DMRT3: variants seen among roughly 807,000 people sequenced by gnomAD.
DMRT3 encodes the protein doublesex and mab-3 related transcription factor 3, also known as doublesex- and mab-3-related transcription factor 3.
Under a neutral mutation model 34.9 loss-of-function variants are expected in DMRT3, and 29 were observed. The ratio of observed to expected loss-of-function variants is 0.83; its 90% CI spans 0.62 to 1.13. DMRT3 has a LOEUF of 1.13. Ranked by LOEUF, DMRT3 falls within the 50% of genes most tolerant of loss-of-function variation. DMRT3 has a pLI of 0.00. For missense variants in DMRT3, 772 were observed against 629.1 expected, an observed-to-expected ratio of 1.23 and a Z score of -2.43; for synonymous variants, 350 against 286.0, an observed-to-expected ratio of 1.22 and a Z score of -2.26.
chr9:977,505 G>A lies in DMRT3; in HGVS notation c.454+50G>A, dbSNP rs575883240. ...TTTGGCCGGGCGCGGGGGCAACTTC[G>A]GAGTGCCAGCTGCAGCTCCACTTGG... On this transcript the variant is annotated intron_variant, in intron 1 of 1. Coordinates refer to ENST00000190165, the MANE Select transcript of DMRT3 (RefSeq NM_021240.4). 8.2e-5 allele frequency: 102 copies of A among 1,242,934 alleles called. No individual in the cohort carries two copies. In the South Asian group the frequency reaches 3.3e-3, roughly 40 times the overall value. The allele number at this position is 1,242,934 out of a possible 1,614,324, so 77.0% of individuals were successfully genotyped here. A position where few individuals can be genotyped will look rare whatever the true frequency, so the allele number is the denominator to read the frequency against.
intron 1 of DMRT3, among the ~76,000 whole-genome samples, chr9:987,922 ATAATAGAG>A (rs1378478280): frequency 6.6e-6 from 1 of 152,204 alleles, no homozygotes; most frequent in East Asian, 1.9e-4. Flanking sequence ...CAAATGTTTA[ATAATAGAG>A]TAACAGCCAA....
rs997817624 is a variant in DMRT3, at chr9:977,141, A to G, written c.140A>G (p.Tyr47Cys). 1.9e-6 allele frequency: 3 copies of G among 1,611,346 alleles called. No individual in the cohort carries two copies. The highest frequency in any genetic ancestry group is 2.5e-6 in the Non-Finnish European group (3 of 1,179,078). The part of the protein sequence containing the change: ...VLSWLKGHKR[Y>C]CRFKDCTCEK... ...TCCTGGCTCAAGGGCCACAAGCGTT[A>G]CTGCCGCTTCAAGGACTGCACCTGC... is the stretch of plus-strand genomic sequence containing the variant. The change falls in exon 1 of 2, where the codon TAC becomes TGC. Residue 47 changes from tyrosine to cysteine, a missense_variant. Transcript: ENST00000190165.
chr9:982,876 T>A (rs1481682341), intron 1 of DMRT3, among the ~76,000 whole-genome samples: 2 of 152,196 alleles, frequency 1.3e-5, no homozygotes, highest in African/African-American at 4.8e-5. Flanking sequence ...TTAAACCTGT[T>A]GCAGCCCCTT....
rs746490121 is a variant in DMRT3, at chr9:990,413, G to A, written c.827G>A (p.Gly276Glu). 7.4e-6 allele frequency: 12 copies of A among 1,613,994 alleles called. No homozygotes were observed. In the Admixed American group the frequency reaches 1.7e-4, roughly 22 times the overall value. ...GAGCTCATCCTCAAGGGCTGTGGCG[G>A]GGACCTGGTGAGCGCCGTGGAAGTC... ...VLELILKGCG[G>E]DLVSAVEVLL... is the part of the protein sequence containing the mutation. The change falls in exon 2 of 2, where the codon GGG (glycine) becomes GAG (glutamate). Residue 276 changes from glycine (G) to glutamate (E), a missense_variant. Coordinates refer to ENST00000190165, the MANE Select transcript of DMRT3 (RefSeq NM_021240.4).
intron 1 of DMRT3, among the ~76,000 whole-genome samples, chr9:979,749 C>G (rs939647097): frequency 2.6e-5 from 4 of 152,162 alleles, no homozygotes; most frequent in African/African-American, 7.2e-5. Context: ...GGGGTTTAAG[C>G]TGAAGAAAAC....
In DMRT3 at chr9:991,249, T is replaced by C. The variant is rs1820360840; in HGVS notation, c.*244T>C. ...GTTTATTGTAAAAGAGAGTCTAATG[T>C]TAAGAATAGTCTTGGGAAGGCTGGG... On this transcript the variant is annotated 3_prime_UTR_variant, in exon 2 of 2. Transcript: ENST00000190165. The C allele has an allele frequency of 2.3e-6, 1 of 425,568 alleles. No homozygotes were observed. The highest frequency in any genetic ancestry group is 4.7e-5 in the South Asian group (1 of 21,088). The allele number at this position is 425,568 out of a possible 1,614,324, so 26.4% of individuals were successfully genotyped here. A position where few individuals can be genotyped will look rare whatever the true frequency, so the allele number is the denominator to read the frequency against.
intron 1 of DMRT3, among the ~76,000 whole-genome samples, chr9:989,224 C>T (rs779911316): frequency 6.6e-6 from 1 of 152,242 alleles, no homozygotes; most frequent in Non-Finnish European, 1.5e-5. Context: ...CTGCCTCGTG[C>T]CACCCGTGGC....
intron 1 of DMRT3, among the ~76,000 whole-genome samples, chr9:984,840 T>G (rs1027673776): frequency 4.0e-5 from 6 of 148,458 alleles, no homozygotes; most frequent in African/African-American, 1.5e-4. Flanking sequence ...AAATAATACA[T>G]TTTTTTTTTA....
intron 1 of DMRT3, among the ~76,000 whole-genome samples, chr9:980,907 CTG>C (rs918472685): frequency 2.6e-5 from 4 of 152,192 alleles, no homozygotes; most frequent in African/African-American, 7.2e-5. Flanking sequence ...ACACCTTAGA[CTG>C]TGGTGCGATG....
Position 990,521 on chromosome 9 carries a change from A to C in DMRT3, c.935A>C (p.His312Pro). The change falls in exon 2 of 2, where the codon CAC (histidine) becomes CCC (proline). Residue 312 changes from histidine (H) to proline (P), a missense_variant. Transcript: ENST00000190165. ...PESLALPSNG[H>P]IFEHTLSSYP... ...AGTCTAGCGTTGCCCTCCAATGGGC[A>C]CATCTTTGAACACACCTTGAGCTCC... The C allele has an allele frequency of 6.2e-7, 1 of 1,614,108 alleles. No individual in the cohort carries two copies. The highest frequency in any genetic ancestry group is 2.2e-5 in the East Asian group (1 of 44,870).
intron 1 of DMRT3, among the ~76,000 whole-genome samples, chr9:982,841 T>G (rs1820238897): frequency 6.6e-6 from 1 of 152,212 alleles, no homozygotes; most frequent in African/African-American, 2.4e-5. Context: ...TCCTCGCCTC[T>G]TGCTTTTTTC....
At chr9:980,372 A>G (rs1820201487) in intron 1 of DMRT3, among the ~76,000 whole-genome samples, 1 of 152,040 alleles carries the variant, frequency 6.6e-6, no homozygotes, top group Non-Finnish European at 1.5e-5. Context: ...GAATTTTCAT[A>G]TTCTAGTGGT....
At position 977,076 on chromosome 9, in the gene DMRT3, C is replaced by T. The variant is rs1372035850; in HGVS notation, c.75C>T (p.Arg25=). 1.3e-6 allele frequency: 2 copies of T among 1,592,082 alleles called. No homozygotes were observed. Among genetic ancestry groups the T allele is most frequent in the South Asian group, 1.1e-5 (1 of 88,426 alleles). ...VSQPPRAPLQ[R]TPKCARCRNH... ...AGCCGCCACGGGCGCCCCTGCAGCG[C>T]ACGCCCAAGTGCGCGCGCTGCCGCA... Residue 25 remains arginine, a synonymous_variant, in exon 1 of 2, where the codon CGC becomes CGT. Transcript: ENST00000190165.
intron 1 of DMRT3, among the ~76,000 whole-genome samples, chr9:989,463 G>C (rs1442271251): frequency 1.3e-5 from 2 of 151,986 alleles, no homozygotes; most frequent in Non-Finnish European, 2.9e-5. Flanking sequence ...TTTCACTTCA[G>C]CAATTGAATT....
rs1394337137 is a variant in DMRT3, at chr9:977,288, G to A, written c.287G>A (p.Gly96Glu). 3.5e-6 allele frequency: 5 copies of A among 1,424,576 alleles called. No homozygotes were observed. The highest frequency in any genetic ancestry group is 4.9e-5 in the Admixed American group (2 of 40,644). 88.2% of individuals were successfully genotyped at this position (1,424,576 alleles called of 1,614,324 possible). A position where few individuals can be genotyped will look rare whatever the true frequency, so the allele number is the denominator to read the frequency against. The change falls in exon 1 of 2, where the codon GGG (glycine) becomes GAG (glutamate). Residue 96 changes from glycine (G) to glutamate (E), a missense_variant. By Grantham distance (98) the Gly-to-Glu change is moderately conservative (BLOSUM62 -2). Coordinates refer to ENST00000190165, the MANE Select transcript of DMRT3 (RefSeq NM_021240.4). ...LIPDSLRALP[G>E]PPPPGDAVAA... ...CCCGACTCGCTGCGCGCTCTGCCAGGGCCCCCGCCGCCGGGGGACGCCGTC... is the reference window on the plus strand; with the variant it reads ...CCCGACTCGCTGCGCGCTCTGCCAGAGCCCCCGCCGCCGGGGGACGCCGTC...
At chr9:981,357 G>A (rs529341119) in intron 1 of DMRT3, among the ~76,000 whole-genome samples, 1 of 152,118 alleles carries the variant, frequency 6.6e-6, no homozygotes, top group Admixed American at 6.5e-5. Context: ...GAAACCCTCT[G>A]ACTGTTGGCT....
intron 1 of DMRT3, among the ~76,000 whole-genome samples, chr9:978,122 G>A (rs1820175831): frequency 1.3e-5 from 2 of 152,284 alleles, no homozygotes; most frequent in East Asian, 1.9e-4. Flanking sequence ...AGCTGATAGC[G>A]GGAAAAGAAT....
chr9:990,431 T>C lies in DMRT3; in HGVS notation c.845T>C (p.Val282Ala). 1 of 1,614,104 alleles carries C rather than the reference T, an allele frequency of 6.2e-7. No homozygotes were observed. The highest frequency in any genetic ancestry group is 1.1e-5 in the South Asian group (1 of 91,078). ...TGTGGCGGGGACCTGGTGAGCGCCG[T>C]GGAAGTCCTTCTGTCCAGCCGATCC... ...KGCGGDLVSAVEVLLSSRSSV... is the reference protein window; with the variant it reads ...KGCGGDLVSAAEVLLSSRSSV... Residue 282 changes from valine (V) to alanine (A), a missense_variant, in exon 2 of 2, where the codon GTG becomes GCG. Transcript: ENST00000190165.
Position 976,729 on chromosome 9 carries a change from AGG to A in DMRT3, c.-272_-271del, listed in dbSNP as rs1820151140. Among the ~76,000 whole-genome samples, 1 of 152,072 alleles carries A rather than the reference AGG, an allele frequency of 6.6e-6. No homozygotes were observed. Among genetic ancestry groups the A allele is most frequent in the Non-Finnish European group, 1.5e-5 (1 of 67,990 alleles). The stretch of plus-strand genomic sequence containing the variant: ...AGCCGCCGCAGCGCCTCCGCGAAGG[AGG>A]ACGTGCCGACCCGGCTGCGCGCCCA... On this transcript the variant is annotated 5_prime_UTR_variant, in exon 1 of 2. Coordinates refer to ENST00000190165, the MANE Select transcript of DMRT3 (RefSeq NM_021240.4). The surrounding 1 kb of genome is among the most constrained non-coding windows in gnomAD (Gnocchi z 4.5).
Sources: gnomAD v4.1 joint callset for allele counts (sites outside exome capture counted in the v4.1 genomes callset) on GRCh38, gnomAD v4.1.1 for gene constraint, Gnocchi (gnomAD v3.1) non-coding constraint, MANE v1.5 for transcripts, NCBI Gene and HGNC (gene_info 2026-07-23, HGNC 2026-07-21) for gene names.